The following PDE4B variants were observed in gnomAD, a reference collection of about 807,000 sequenced individuals.
PDE4B encodes phosphodiesterase 4B.
Under a neutral mutation model 82.2 loss-of-function variants are expected in PDE4B, and 20 were observed. That is an observed-to-expected ratio of 0.24 (90% CI 0.17 to 0.35). PDE4B has a LOEUF of 0.35. Ranked by LOEUF, PDE4B falls within the 10% of genes least tolerant of loss-of-function variation. The pLI is 1.00. For synonymous variants in PDE4B, 320 were observed against 318.9 expected, an observed-to-expected ratio of 1.00 and a Z score of -0.04; for missense variants, 655 against 907.2, an observed-to-expected ratio of 0.72 and a Z score of 3.57.
chr1:66,137,220 T>C (rs1244566260), intron 3 of PDE4B, among the ~76,000 whole-genome samples: 1 of 152,046 alleles, frequency 6.6e-6, no homozygotes, highest in African/African-American at 2.4e-5. Context: ...TGATGGTAGA[T>C]GGTTAAAGCT....
At chr1:65,984,054 T>C (rs900654646) in intron 3 of PDE4B, among the ~76,000 whole-genome samples, 1 of 152,194 alleles carries the variant, frequency 6.6e-6, no homozygotes, top group Non-Finnish European at 1.5e-5. Context: ...GCTCTATTTA[T>C]AATTGAGCTC....
At chr1:66,293,335 C>T (rs1420401636) in intron 7 of PDE4B, among the ~76,000 whole-genome samples, 1 of 151,454 alleles carries the variant, frequency 6.6e-6, no homozygotes, top group Non-Finnish European at 1.5e-5. Flanking sequence ...GAAAATCACC[C>T]TCCCAAGCAA....
At chr1:65,856,792 A>T (rs1646398054) in intron 1 of PDE4B, among the ~76,000 whole-genome samples, 1 of 152,158 alleles carries the variant, frequency 6.6e-6, no homozygotes, top group South Asian at 2.1e-4. Flanking sequence ...TTACATTCCA[A>T]CCAACAGTCA....
intron 3 of PDE4B, among the ~76,000 whole-genome samples, chr1:66,080,660 C>G (rs1656675182): frequency 6.6e-6 from 1 of 152,110 alleles, no homozygotes. Flanking sequence ...AAGGTGTCAC[C>G]ATGTGTTACA....
intron 3 of PDE4B, among the ~76,000 whole-genome samples, chr1:66,116,346 G>A (rs1645593327): frequency 6.6e-6 from 1 of 152,140 alleles, no homozygotes; most frequent in Non-Finnish European, 1.5e-5. Context: ...GGTAGTCCTA[G>A]CTTTAGCATA....
chr1:66,373,011 T>A lies in PDE4B; in HGVS notation c.*333T>A, dbSNP rs2050839721. Reference sequence around the variant, plus strand: ...TCGGGAACTTATCCCCGACAGTGACTGAACTCACTGACTAATAACTTCATT... The same window carrying A: ...TCGGGAACTTATCCCCGACAGTGACAGAACTCACTGACTAATAACTTCATT... On this transcript the variant is annotated 3_prime_UTR_variant, in exon 17 of 17. Transcript: ENST00000341517. 1 of 235,994 alleles carries A rather than the reference T, an allele frequency of 4.2e-6. No homozygotes were observed. The highest frequency in any genetic ancestry group is 2.2e-5 in the African/African-American group (1 of 45,352). 14.6% of individuals were successfully genotyped at this position (235,994 alleles called of 1,614,324 possible). A position where few individuals can be genotyped will look rare whatever the true frequency, so the allele number is the denominator to read the frequency against.
intron 3 of PDE4B, among the ~76,000 whole-genome samples, chr1:66,174,923 A>G (rs991415924): frequency 2.6e-5 from 4 of 152,268 alleles, no homozygotes; most frequent in African/African-American, 9.6e-5. Flanking sequence ...AAGGGGAAGC[A>G]AGGCGCGTCT....
chr1:66,339,674 G>A (rs1227312995), intron 8 of PDE4B, among the ~76,000 whole-genome samples: 1 of 152,034 alleles, frequency 6.6e-6, no homozygotes, highest in African/African-American at 2.4e-5. Context: ...TCTCCACATT[G>A]GGGAAAAAAT....
At chr1:66,284,243 T>C (rs1482895825) in intron 7 of PDE4B, among the ~76,000 whole-genome samples, 3 of 152,192 alleles carry the variant, frequency 2.0e-5, no homozygotes, top group African/African-American at 7.2e-5. Context: ...TTGGATTTTA[T>C]TAAATTTTAA....
intron 7 of PDE4B, among the ~76,000 whole-genome samples, chr1:66,297,697 A>G (rs1203446614): frequency 6.6e-6 from 1 of 152,092 alleles, no homozygotes; most frequent in Non-Finnish European, 1.5e-5. Flanking sequence ...CTCCATTCAT[A>G]AGGACTCTGC....
chr1:66,230,897 T>C (rs1260053789), intron 3 of PDE4B, among the ~76,000 whole-genome samples: 1 of 151,842 alleles, frequency 6.6e-6, no homozygotes. Flanking sequence ...AATACAAAAA[T>C]TAGCGGGGCA....
intron 3 of PDE4B, among the ~76,000 whole-genome samples, chr1:66,107,520 C>A (rs1327480088): frequency 5.4e-5 from 8 of 147,858 alleles, no homozygotes; most frequent in Admixed American, 6.8e-5. Flanking sequence ...ACAAAACAAA[C>A]AAAAAAAAAA....
chr1:66,245,122 A>C (rs1435114943), intron 3 of PDE4B, among the ~76,000 whole-genome samples: 1 of 152,196 alleles, frequency 6.6e-6, no homozygotes, highest in Non-Finnish European at 1.5e-5. Context: ...ATATTTAATG[A>C]CTGGCACTGC....
At chr1:65,999,970 C>T (rs1474748091) in intron 3 of PDE4B, among the ~76,000 whole-genome samples, 1 of 152,188 alleles carries the variant, frequency 6.6e-6, no homozygotes, top group Non-Finnish European at 1.5e-5. Flanking sequence ...AGAGCTACTG[C>T]AGCTTGCTTC....
At chr1:65,916,112 T>G (rs1004996959) in intron 2 of PDE4B, among the ~76,000 whole-genome samples, 1 of 152,218 alleles carries the variant, frequency 6.6e-6, no homozygotes, top group South Asian at 2.1e-4. Flanking sequence ...TAAATCTGCA[T>G]GAGTTAATTA....
chr1:66,369,710 T>A (rs1663533211), intron 16 of PDE4B, among the ~76,000 whole-genome samples: 2 of 151,296 alleles, frequency 1.3e-5, no homozygotes, highest in Admixed American at 1.3e-4. Flanking sequence ...CCAAAAACAT[T>A]TGGATTGTTT....
At chr1:66,256,076 C>G (rs1032485520) in intron 4 of PDE4B, among the ~76,000 whole-genome samples, 2 of 152,134 alleles carry the variant, frequency 1.3e-5, no homozygotes, top group African/African-American at 4.8e-5. Context: ...ACTCCAGAGT[C>G]TGAGGTGGGA....
chr1:66,009,782 A>G (rs1395439658), intron 3 of PDE4B, among the ~76,000 whole-genome samples: 1 of 152,114 alleles, frequency 6.6e-6, no homozygotes, highest in Non-Finnish European at 1.5e-5. Flanking sequence ...AGCAGTGCAC[A>G]TCTTTGCCTT....
intron 3 of PDE4B, among the ~76,000 whole-genome samples, chr1:66,024,569 G>A (rs763015745): frequency 5.9e-5 from 9 of 152,042 alleles, no homozygotes; most frequent in African/African-American, 9.7e-5. Flanking sequence ...CAATTCATAC[G>A]TTTATTCAAC....
Sources: allele counts gnomAD v4.1 joint callset (sites outside exome capture counted in the v4.1 genomes callset), GRCh38; gene constraint gnomAD v4.1.1; transcripts MANE v1.5; gene names NCBI Gene and HGNC (gene_info 2026-07-23, HGNC 2026-07-21).